Variants in RAPGEF1 observed in about 807,000 individuals in gnomAD.
RAPGEF1 encodes Rap guanine nucleotide exchange factor 1, also known as CRK SH3-binding GNRP.
Under a neutral mutation model 143.3 loss-of-function variants are expected in RAPGEF1, and 33 were observed. That is an observed-to-expected ratio of 0.23 (90% CI 0.17 to 0.31). The LOEUF (loss-of-function observed/expected upper bound fraction) is 0.31. Among genes scored for constraint, RAPGEF1 ranks in the 10% least tolerant of loss-of-function variants. The pLI is 1.00. For synonymous variants in RAPGEF1, 629 were observed against 676.5 expected (o/e 0.93, Z 1.09); for missense variants, 1,199 against 1,645.4 (o/e 0.73, Z 4.69).
chr9:131,646,540 G>A (rs1341368108), intron 3 of RAPGEF1, among the ~76,000 whole-genome samples: 2 of 152,292 alleles, frequency 1.3e-5, no homozygotes, highest in African/African-American at 2.4e-5. Context: ...AGGAGATGGC[G>A]GGGAAGAGGG....
At chr9:131,603,455 G>A (rs1470409643) in intron 14 of RAPGEF1, among the ~76,000 whole-genome samples, 1 of 152,184 alleles carries the variant, frequency 6.6e-6, no homozygotes, top group Non-Finnish European at 1.5e-5. Flanking sequence ...CTCAGGAGGG[G>A]GTGTGCATAG....
At chr9:131,649,755 G>T (rs889827682) in intron 3 of RAPGEF1, among the ~76,000 whole-genome samples, 2 of 152,084 alleles carry the variant, frequency 1.3e-5, no homozygotes. Flanking sequence ...GAAAGCACTC[G>T]GAGGCTTCAG....
intron 15 of RAPGEF1, among the ~76,000 whole-genome samples, chr9:131,601,097 G>A (rs1478647018): frequency 1.3e-5 from 2 of 151,222 alleles, no homozygotes; most frequent in Admixed American, 6.6e-5. Flanking sequence ...GCTTGAGCCC[G>A]GGAGGCGGAA....
At position 131,667,840 on chromosome 9, in the gene RAPGEF1, G is replaced by A. The variant is rs1180508539; in HGVS notation, c.62-16891C>T. On this transcript the variant is annotated intron_variant, in intron 1 of 26. Coordinates refer to ENST00000683357, the MANE Select transcript of RAPGEF1 (RefSeq NM_001377935.1). This position sits in a 1 kb window ranked among gnomAD's most constrained non-coding sequence, Gnocchi z 4.6. ...TTCTCTGCTGTAAAATGGGAGTAGT[G>A]ATCTTTACCTCACTGGGCCGTTGGG... Among the ~76,000 whole-genome samples, 13 of 152,180 alleles carry A rather than the reference G, an allele frequency of 8.5e-5. No homozygotes were observed. Among genetic ancestry groups the A allele is most frequent in the Admixed American group, 6.5e-4 (10 of 15,284 alleles).
intron 1 of RAPGEF1, among the ~76,000 whole-genome samples, chr9:131,661,344 T>A (rs1974035185): frequency 1.3e-5 from 2 of 152,246 alleles, no homozygotes; most frequent in African/African-American, 4.8e-5. Context: ...GTACATTTTA[T>A]ACGATTCCAT....
At chr9:131,691,497 C>A (rs933942624) in intron 1 of RAPGEF1, among the ~76,000 whole-genome samples, 1 of 152,130 alleles carries the variant, frequency 6.6e-6, no homozygotes, top group Non-Finnish European at 1.5e-5. Context: ...TTATAATGAA[C>A]CCTCATCAGA....
intron 12 of RAPGEF1, among the ~76,000 whole-genome samples, chr9:131,616,053 G>A (rs1218467843): frequency 6.6e-6 from 1 of 152,166 alleles, no homozygotes; most frequent in East Asian, 1.9e-4. Flanking sequence ...GATCACCTGA[G>A]GTCAGGAGTT....
intron 1 of RAPGEF1, among the ~76,000 whole-genome samples, chr9:131,732,796 T>C (rs1168241780): frequency 6.6e-6 from 1 of 152,248 alleles, no homozygotes; most frequent in Non-Finnish European, 1.5e-5. Flanking sequence ...CTCATTCTTT[T>C]AGTAAGTATT....
rs1244276355 is a variant in RAPGEF1, at chr9:131,709,777, T to C, written c.61+29993A>G. On this transcript the variant is annotated intron_variant, in intron 1 of 26. Coordinates refer to ENST00000683357, the MANE Select transcript of RAPGEF1 (RefSeq NM_001377935.1). ...GTCACTGGCTGAAAGGGGATATCTC[T>C]TGGACATCCCAAACCACCCAGCGGC... 9 of 1,583,872 alleles carry C rather than the reference T, an allele frequency of 5.7e-6. No individual in the cohort carries two copies. The African/African-American group carries it at 1.1e-4, about 19-fold the overall frequency.
intron 5 of RAPGEF1, among the ~76,000 whole-genome samples, chr9:131,632,256 G>A (rs893771218): frequency 2.6e-5 from 4 of 151,388 alleles, no homozygotes; most frequent in Non-Finnish European, 5.9e-5. Flanking sequence ...AGCCTCCCGA[G>A]TAGCTGGGAC....
intron 1 of RAPGEF1, among the ~76,000 whole-genome samples, chr9:131,673,411 A>T (rs753447149): frequency 1.2e-4 from 18 of 152,354 alleles, no homozygotes; most frequent in Non-Finnish European, 2.5e-4. Flanking sequence ...TTGGGGTCCC[A>T]ACTCCACTGC....
intron 4 of RAPGEF1, among the ~76,000 whole-genome samples, chr9:131,640,626 C>T (rs577882795): frequency 3.3e-4 from 50 of 152,238 alleles, no homozygotes; most frequent in African/African-American, 1.2e-3. Context: ...TGGGCCTCTG[C>T]GTGCCTCACT....
In RAPGEF1 at chr9:131,650,526, C is replaced by T. The variant is rs1970818749; in HGVS notation, c.201+284G>A. 6.6e-6 allele frequency among the ~76,000 whole-genome samples: 1 copy of T among 152,070 alleles called. No homozygotes were observed. Among genetic ancestry groups the T allele is most frequent in the African/African-American group, 2.4e-5 (1 of 41,414 alleles). ...GAACTGCAGGGCAGGGAGGCAGCAG[C>T]CTGGGGTGTGGACATGATGTGCTGA... On this transcript the variant is annotated intron_variant, in intron 2 of 26. Coordinates refer to ENST00000683357, the MANE Select transcript of RAPGEF1 (RefSeq NM_001377935.1). This position sits in a 1 kb window ranked among gnomAD's most constrained non-coding sequence, Gnocchi z 4.7.
chr9:131,710,506 G>T (rs1349858854), intron 1 of RAPGEF1, among the ~76,000 whole-genome samples: 1 of 152,222 alleles, frequency 6.6e-6, no homozygotes, highest in African/African-American at 2.4e-5. Context: ...ACAATGTCGA[G>T]GTGGATGAAA....
chr9:131,638,799 G>A lies in RAPGEF1; in HGVS notation c.495-8C>T. 1 of 1,613,152 alleles carries A rather than the reference G, an allele frequency of 6.2e-7. No homozygotes were observed. The highest frequency in any genetic ancestry group is 2.2e-5 in the East Asian group (1 of 44,862). Reference sequence around the variant, plus strand: ...CAGGAAGAGAGGGCTGAGCTACAGGGAAGAGAAGAATGGAAAAAAAGAAAA... The same window carrying A: ...CAGGAAGAGAGGGCTGAGCTACAGGAAAGAGAAGAATGGAAAAAAAGAAAA... On this transcript the variant is annotated splice_region_variant and splice_polypyrimidine_tract_variant and intron_variant, in intron 4 of 26. Coordinates refer to ENST00000683357, the MANE Select transcript of RAPGEF1 (RefSeq NM_001377935.1).
chr9:131,595,581 G>C (rs1013516879), intron 17 of RAPGEF1, among the ~76,000 whole-genome samples: 1 of 152,226 alleles, frequency 6.6e-6, no homozygotes, highest in Admixed American at 6.5e-5. Context: ...GCAGCGTGTG[G>C]AGAGACTGGC....
chr9:131,704,152 T>C (rs1343901143), intron 1 of RAPGEF1, among the ~76,000 whole-genome samples: 1 of 151,780 alleles, frequency 6.6e-6, no homozygotes, highest in Non-Finnish European at 1.5e-5. Context: ...ATTTGTCTTG[T>C]CTTACTTATT....
At chr9:131,735,384 AG>A (rs1284017754) in intron 1 of RAPGEF1, among the ~76,000 whole-genome samples, 1 of 152,198 alleles carries the variant, frequency 6.6e-6, no homozygotes, top group Non-Finnish European at 1.5e-5. Context: ...ATTTTGTCAC[AG>A]GAGCACAGGA....
chr9:131,602,262 A>G, intron 14 of RAPGEF1, 113 bp from the exon 15 acceptor site: 1 of 672,922 alleles, frequency 1.5e-6, no homozygotes, highest in South Asian at 1.8e-5. Flanking sequence ...CTATGGAGCA[A>G]TCTCAGATGT....
Sources: allele counts gnomAD v4.1 joint callset (sites outside exome capture counted in the v4.1 genomes callset), GRCh38; gene constraint gnomAD v4.1.1; non-coding constraint Gnocchi (gnomAD v3.1); transcripts MANE v1.5; gene names NCBI Gene and HGNC (gene_info 2026-07-23, HGNC 2026-07-21).